Variants in PRKCH observed in about 807,000 individuals in gnomAD.
The protein encoded by PRKCH is protein kinase C eta type.
In PRKCH, 28 loss-of-function variants were observed where a neutral mutation model predicts 82.5. The observed-to-expected ratio is 0.34, with a 90% CI of 0.25 to 0.47. PRKCH has a LOEUF of 0.47. Among genes scored for constraint, PRKCH ranks in the 20% least tolerant of loss-of-function variants. PRKCH has a pLI of 1.00. For synonymous variants in PRKCH, 322 were observed against 327.4 expected (o/e 0.98, Z 0.18); for missense variants, 705 against 881.8 (o/e 0.80, Z 2.54).
chr14:61,377,352 C>T (rs1428570349), intron 1 of PRKCH, among the ~76,000 whole-genome samples: 4 of 152,144 alleles, frequency 2.6e-5, no homozygotes, highest in Non-Finnish European at 5.9e-5. Flanking sequence ...GAAAAATTCC[C>T]AAATGATAAC....
At chr14:61,475,988 T>C (rs1885712032) in intron 9 of PRKCH, among the ~76,000 whole-genome samples, 1 of 152,232 alleles carries the variant, frequency 6.6e-6, no homozygotes, top group Non-Finnish European at 1.5e-5. Context: ...ATTTGAACTA[T>C]GGATATGTAA....
chr14:61,439,251 T>G (rs1883830110), intron 2 of PRKCH, among the ~76,000 whole-genome samples: 2 of 152,190 alleles, frequency 1.3e-5, no homozygotes, highest in Non-Finnish European at 2.9e-5. Flanking sequence ...AAGTTCCCTC[T>G]GCATTCCGAT....
Position 61,441,836 on chromosome 14 carries a change from A to C in PRKCH, c.428-1275A>C, listed in dbSNP as rs368055968. Among the ~76,000 whole-genome samples the C allele has an allele frequency of 2.8e-4, 42 of 150,770 alleles. 1 individual carries two copies. In the South Asian group the frequency reaches 8.8e-3, roughly 31 times the overall value. ...ATCCCTTTAAAAAAATTTTTTTAAG[A>C]GATGGGGCCTCAGTATATTGTCCAG... On this transcript the variant is annotated intron_variant, in intron 2 of 13. Transcript: ENST00000332981.
At chr14:61,342,625 C>T (rs1009286261) in intron 1 of PRKCH, among the ~76,000 whole-genome samples, 1 of 152,202 alleles carries the variant, frequency 6.6e-6, no homozygotes, top group African/African-American at 2.4e-5. Flanking sequence ...AGTGTTTCCA[C>T]AGGAACTCTG....
intron 10 of PRKCH, among the ~76,000 whole-genome samples, chr14:61,522,221 TC>T (rs1399939749): frequency 6.6e-6 from 1 of 152,086 alleles, no homozygotes; most frequent in African/African-American, 2.4e-5. Context: ...CTTACCACCC[TC>T]CCTATACCAG....
chr14:61,419,454 T>C (rs1315157097), intron 2 of PRKCH, among the ~76,000 whole-genome samples: 1 of 150,776 alleles, frequency 6.6e-6, no homozygotes, highest in Admixed American at 6.6e-5. Context: ...ATTCCTGGCT[T>C]CTACCCTCCA....
chr14:61,212,443 C>G (rs1455713714), intron 1 of PRKCH, among the ~76,000 whole-genome samples: 2 of 152,204 alleles, frequency 1.3e-5, no homozygotes, highest in Non-Finnish European at 2.9e-5. Flanking sequence ...TAGACATGCT[C>G]ACATCTGCAT....
intron 1 of PRKCH, among the ~76,000 whole-genome samples, chr14:61,323,183 C>T (rs975833014): frequency 3.9e-5 from 6 of 152,092 alleles, no homozygotes; most frequent in African/African-American, 1.4e-4. Context: ...GTCTTCCCTC[C>T]CCCCATCACC....
At chr14:61,234,614 T>C (rs888179991) in intron 1 of PRKCH, among the ~76,000 whole-genome samples, 1 of 152,244 alleles carries the variant, frequency 6.6e-6, no homozygotes, top group Non-Finnish European at 1.5e-5. Context: ...TGTTAAACTA[T>C]TACTCTGAGA....
At chr14:61,385,375 A>C (rs1331351806) in intron 1 of PRKCH, among the ~76,000 whole-genome samples, 1 of 152,212 alleles carries the variant, frequency 6.6e-6, no homozygotes, top group African/African-American at 2.4e-5. Flanking sequence ...AGAAAAAAAA[A>C]ATGAAGCACT....
intron 1 of PRKCH, among the ~76,000 whole-genome samples, chr14:61,368,604 C>T (rs1020966126): frequency 2.0e-5 from 3 of 152,126 alleles, no homozygotes; most frequent in African/African-American, 7.3e-5. Flanking sequence ...GTAGATATTT[C>T]CCATCAGTGA....
At chr14:61,538,909 C>A (rs978895555) in intron 12 of PRKCH, among the ~76,000 whole-genome samples, 1 of 152,178 alleles carries the variant, frequency 6.6e-6, no homozygotes, top group Non-Finnish European at 1.5e-5. Context: ...ATTGTATAGT[C>A]CCCACTAGAG....
intron 10 of PRKCH, among the ~76,000 whole-genome samples, chr14:61,510,724 G>A (rs1887342538): frequency 6.6e-6 from 1 of 152,058 alleles, no homozygotes; most frequent in South Asian, 2.1e-4. Context: ...TCAACTGCAA[G>A]GTAAAGTGTC....
chr14:61,484,808 G>A (rs1886137088), intron 9 of PRKCH, among the ~76,000 whole-genome samples: 1 of 134,934 alleles, frequency 7.4e-6, no homozygotes, highest in Admixed American at 8.6e-5. Flanking sequence ...TACTCCTGTC[G>A]CTCAGGTGGG....
intron 10 of PRKCH, among the ~76,000 whole-genome samples, chr14:61,516,618 T>C (rs181906829): frequency 9.9e-5 from 15 of 152,148 alleles, no homozygotes; most frequent in Admixed American, 4.6e-4. Flanking sequence ...GGGGCCGGAG[T>C]GAGTGCTCAA....
intron 1 of PRKCH, among the ~76,000 whole-genome samples, chr14:61,324,794 CTTAT>C (rs1405198496): frequency 2.6e-5 from 4 of 152,052 alleles, no homozygotes; most frequent in Non-Finnish European, 5.9e-5. Flanking sequence ...TAAAGAAATA[CTTAT>C]TTATCTTTAG....
At chr14:61,330,406 A>G (rs2045768711) in intron 1 of PRKCH, among the ~76,000 whole-genome samples, 1 of 152,228 alleles carries the variant, frequency 6.6e-6, no homozygotes, top group African/African-American at 2.4e-5. Context: ...CCATCTTTGG[A>G]AAGTTTGGGA....
intron 2 of PRKCH, among the ~76,000 whole-genome samples, chr14:61,403,561 C>T (rs761248901): frequency 1.6e-4 from 24 of 152,210 alleles, no homozygotes; most frequent in Admixed American, 9.2e-4. Flanking sequence ...AACTCAGAAG[C>T]CTGTGGTGGT....
upstream of PRKCH, among the ~76,000 whole-genome samples, chr14:61,317,572 C>A (rs1404662779): frequency 6.6e-6 from 1 of 152,206 alleles, no homozygotes; most frequent in South Asian, 2.1e-4. Context: ...TGGTGCCAAG[C>A]CCATGTGGCG....
Sources: allele counts gnomAD v4.1 joint callset (sites outside exome capture counted in the v4.1 genomes callset), GRCh38; gene constraint gnomAD v4.1.1; transcripts MANE v1.5; gene names NCBI Gene and HGNC (gene_info 2026-07-23, HGNC 2026-07-21).